The following ANKDD1A variants were observed in gnomAD, a reference collection of about 807,000 sequenced individuals.
ANKDD1A encodes ankyrin repeat and death domain-containing protein 1A.
Under a neutral mutation model 63.5 loss-of-function variants are expected in ANKDD1A, and 59 were observed. The observed-to-expected ratio is 0.93, with a 90% CI of 0.75 to 1.15. The LOEUF is 1.15. Ranked by LOEUF, ANKDD1A falls within the 50% of genes most tolerant of loss-of-function variation. ANKDD1A has a pLI of 0.00. For synonymous variants in ANKDD1A, 266 were observed against 263.9 expected, an observed-to-expected ratio of 1.01 and a Z score of -0.08; for missense variants, 632 against 656.4, an observed-to-expected ratio of 0.96 and a Z score of 0.41.
At chr15:64,948,989 T>TAATA (rs2042145830) in intron 13 of ANKDD1A, among the ~76,000 whole-genome samples, 1 of 152,134 alleles carries the variant, frequency 6.6e-6, no homozygotes, top group Admixed American at 6.5e-5. Flanking sequence ...CAGAGATAGT[T>TAATA]AATAAATGGT....
chr15:64,953,534 C>CCTTCTTCCT (rs2085344550), intron 14 of ANKDD1A, among the ~76,000 whole-genome samples: 5 of 70,172 alleles, frequency 7.1e-5, no homozygotes, highest in African/African-American at 2.8e-4. Context: ...CCTTCTTCTC[C>CCTTCTTCCT]TCTCCTTCTT....
intron 9 of ANKDD1A, among the ~76,000 whole-genome samples, chr15:64,939,476 C>G (rs77416076): frequency 0.037 from 5,576 of 152,176 alleles, 326 homozygotes; most frequent in South Asian, 0.12. Flanking sequence ...ATTAGCTGAG[C>G]TGGAGGCACG....
chr15:64,953,459 CCTT>C lies in ANKDD1A; in HGVS notation c.1483+3498_1483+3500del, dbSNP rs797030479. ...TCCTTCCTTTTCTTCTTTCTTCTCT[CCTT>C]CTTCTTCTTCCTCTTCCTTCTCCTT... On this transcript the variant is annotated intron_variant, in intron 14 of 14. Coordinates refer to ENST00000319580, the MANE Select transcript of ANKDD1A (RefSeq NM_182703.6). Among the ~76,000 whole-genome samples, 201 of 116,734 alleles carry C rather than the reference CCTT, an allele frequency of 1.7e-3. 5 individuals are homozygous for C. Among genetic ancestry groups the C allele is most frequent in the African/African-American group, 5.9e-3 (185 of 31,190 alleles). The allele number at this position is 116,734 out of a possible 152,430, so 76.6% of individuals were successfully genotyped here.
chr15:64,916,058 G>A (rs908759940), intron 2 of ANKDD1A, among the ~76,000 whole-genome samples, 158 bp downstream of exon 2: 3 of 152,142 alleles, frequency 2.0e-5, no homozygotes, highest in Admixed American at 1.3e-4. Context: ...GCATTGTCTC[G>A]AGGAATCTGA....
At chr15:64,930,648 T>C (rs1415101623) in intron 6 of ANKDD1A, among the ~76,000 whole-genome samples, 174 bp from the exon 7 acceptor site, 2 of 152,190 alleles carry the variant, frequency 1.3e-5, no homozygotes, top group Non-Finnish European at 2.9e-5. Context: ...CCTTGAAGTA[T>C]AAGGAAAGAA....
intron 6 of ANKDD1A, among the ~76,000 whole-genome samples, chr15:64,930,461 G>A (rs2085080739): frequency 6.6e-6 from 1 of 152,172 alleles, no homozygotes; most frequent in African/African-American, 2.4e-5. Flanking sequence ...ACAAAGACTT[G>A]AGGGAGGCAG....
At chr15:64,920,838 C>T (rs1197440287) in intron 3 of ANKDD1A, among the ~76,000 whole-genome samples, 3 of 151,870 alleles carry the variant, frequency 2.0e-5, no homozygotes, top group Non-Finnish European at 4.4e-5. Context: ...GCATGAGCCA[C>T]CATTCCCAGC....
intron 14 of ANKDD1A, among the ~76,000 whole-genome samples, chr15:64,953,632 T>TTCTTAGTTCC (rs2085352216): frequency 3.4e-5 from 1 of 29,408 alleles, no homozygotes; most frequent in Non-Finnish European, 1.7e-4. Flanking sequence ...TTCTTCTTCC[T>TTCTTAGTTCC]TCTTCTTCCT....
chr15:64,953,908 C>CT (rs2085365453), intron 14 of ANKDD1A, among the ~76,000 whole-genome samples: 5 of 2,652 alleles, frequency 1.9e-3, no homozygotes, highest in Non-Finnish European at 0.014. Flanking sequence ...TTTCTTCCCT[C>CT]TTCTTTCTTC....
chr15:64,940,236 T>C (rs191471255), intron 9 of ANKDD1A, among the ~76,000 whole-genome samples: 102 of 152,096 alleles, frequency 6.7e-4, no homozygotes, highest in Non-Finnish European at 1.1e-3. Context: ...ATGTTTAACA[T>C]CATTAGCTAT....
chr15:64,953,628 T>TTCTTAGTTCTTCTTCCTTCTTTC (rs1472903050), intron 14 of ANKDD1A, among the ~76,000 whole-genome samples: 1 of 125,632 alleles, frequency 8.0e-6, no homozygotes, highest in African/African-American at 2.9e-5. Context: ...CTTCTTCTTC[T>TTCTTAGTTCTTCTTCCTTCTTTC]TCCTTCTTCT....
At chr15:64,954,391 T>TC (rs2085384141) in intron 14 of ANKDD1A, among the ~76,000 whole-genome samples, 2 of 141,340 alleles carry the variant, frequency 1.4e-5, no homozygotes, top group South Asian at 4.5e-4. Context: ...TTTCTTCTTC[T>TC]TTCTTCTTCC....
At chr15:64,939,756 C>T (rs1486679528) in intron 9 of ANKDD1A, among the ~76,000 whole-genome samples, 1 of 152,168 alleles carries the variant, frequency 6.6e-6, no homozygotes, top group Non-Finnish European at 1.5e-5. Flanking sequence ...GGTTTGATAG[C>T]CTTTTCAACA....
chr15:64,953,493 TTAGTTCTTC>T (rs2085342499), intron 14 of ANKDD1A, among the ~76,000 whole-genome samples: 2 of 118,530 alleles, frequency 1.7e-5, no homozygotes, highest in African/African-American at 2.9e-5. Flanking sequence ...TCCTTCTTCT[TTAGTTCTTC>T]CTCCTCTTCC....
At chr15:64,922,234 A>T (rs1418429096) in intron 4 of ANKDD1A, 14 of 555,366 alleles carry the variant, frequency 2.5e-5, no homozygotes, top group Admixed American at 6.4e-5. Flanking sequence ...TTTACAAGAG[A>T]GAAATCAAAG....
intron 14 of ANKDD1A, chr15:64,950,999 G>A (rs1405685712): frequency 3.1e-6 from 4 of 1,270,746 alleles, no homozygotes; most frequent in Non-Finnish European, 3.1e-6. Context: ...GCCCCCAGGA[G>A]GTGCACAGCC....
chr15:64,919,698 C>A (rs1161471768), intron 3 of ANKDD1A: 1 of 152,184 alleles, frequency 6.6e-6, no homozygotes, highest in Non-Finnish European at 1.5e-5. Context: ...TTTCCAGGGA[C>A]TCCATTCACA....
chr15:64,942,560 G>T lies in ANKDD1A; in HGVS notation c.961G>T (p.Asp321Tyr), dbSNP rs2085193319. The change falls in exon 10 of 15, where the codon GAC (aspartate) becomes TAC (tyrosine). Residue 321 changes from aspartate (D) to tyrosine (Y), a missense_variant. Asp to Tyr is a radical substitution (Grantham distance 160, BLOSUM62 -3). Transcript: ENST00000319580. ...CTCCGACAGTGACGTGAATGCCGTG[G>T]ACAATGTAAGTGGCTACAGAGACCT... ...INSDSDVNAV[D>Y]NRQQTPLHLA... 6.2e-7 allele frequency: 1 copy of T among 1,612,860 alleles called. No individual in the cohort carries two copies. Among genetic ancestry groups the T allele is most frequent in the African/African-American group, 1.3e-5 (1 of 74,858 alleles).
Position 64,953,379 on chromosome 15 carries a change from CTTTCTTCTTCTTAGTTCTCCT to C in ANKDD1A, c.1483+3416_1483+3436del, listed in dbSNP as rs1389012050. Reference sequence around the variant, plus strand: ...GTTCTTCTTTCTTCTCCTTCTTTTCCTTTCTTCTTCTTAGTTCTCCTTTTCTTCTCCTCCTCCTCCCTTCTT... The same window carrying C: ...GTTCTTCTTTCTTCTCCTTCTTTTCCTTTCTTCTCCTCCTCCTCCCTTCTT... On this transcript the variant is annotated intron_variant, in intron 14 of 14. Coordinates refer to ENST00000319580, the MANE Select transcript of ANKDD1A (RefSeq NM_182703.6). Among the ~76,000 whole-genome samples, 6 of 19,844 alleles carry C rather than the reference CTTTCTTCTTCTTAGTTCTCCT, an allele frequency of 3.0e-4. No individual in the cohort carries two copies. In the East Asian group the frequency reaches 0.02, roughly 65 times the overall value. 13.0% of individuals were successfully genotyped at this position (19,844 alleles called of 152,430 possible).
Sources: gnomAD v4.1 joint callset for allele counts (sites outside exome capture counted in the v4.1 genomes callset) on GRCh38, gnomAD v4.1.1 for gene constraint, MANE v1.5 for transcripts, NCBI Gene and HGNC (gene_info 2026-07-23, HGNC 2026-07-21) for gene names.